Variants in CCDC148 observed in about 807,000 individuals in gnomAD.
CCDC148 encodes the protein coiled-coil domain-containing protein 148.
CCDC148 carries 89 observed loss-of-function variants against 85.7 expected under a neutral mutation model. That is an observed-to-expected ratio of 1.04 (90% CI 0.87 to 1.24). The LOEUF (loss-of-function observed/expected upper bound fraction) is 1.24. CCDC148 is among the 50% of genes most tolerant of loss of function. The pLI is 0.00. For missense variants in CCDC148, 692 were observed against 671.7 expected (o/e 1.03, Z -0.33); for synonymous variants, 230 against 213.9 (o/e 1.08, Z -0.66).
At chr2:158,251,563 T>C (rs909083018) in intron 9 of CCDC148, among the ~76,000 whole-genome samples, 13 of 151,852 alleles carry the variant, frequency 8.6e-5, no homozygotes, top group Non-Finnish European at 1.3e-4. Flanking sequence ...ACTGGACAAG[T>C]GCACAAAAAT....
chr2:158,290,342 C>T (rs1690830030), intron 9 of CCDC148, among the ~76,000 whole-genome samples: 1 of 152,198 alleles, frequency 6.6e-6, no homozygotes, highest in African/African-American at 2.4e-5. Context: ...GCAAAAGCTT[C>T]CTAATGCATC....
chr2:158,234,789 T>G (rs1175681812), intron 10 of CCDC148, among the ~76,000 whole-genome samples: 1 of 152,122 alleles, frequency 6.6e-6, no homozygotes, highest in Non-Finnish European at 1.5e-5. Flanking sequence ...ACATATATAG[T>G]GTGATTCTAG....
chr2:158,343,759 A>G (rs1682857757), intron 3 of CCDC148, among the ~76,000 whole-genome samples: 1 of 152,140 alleles, frequency 6.6e-6, no homozygotes, highest in South Asian at 2.1e-4. Flanking sequence ...CTTATCTCCT[A>G]TTGCTGTTAG....
chr2:158,279,931 G>T (rs1425434182), intron 9 of CCDC148, among the ~76,000 whole-genome samples: 6 of 151,538 alleles, frequency 4.0e-5, no homozygotes, highest in African/African-American at 1.2e-4. Context: ...GGATCTCTCG[G>T]CAGAAACTCT....
chr2:158,267,508 G>C (rs1574508756), intron 9 of CCDC148, among the ~76,000 whole-genome samples: 1 of 152,092 alleles, frequency 6.6e-6, no homozygotes, highest in East Asian at 1.9e-4. Flanking sequence ...GTTTTTAAGG[G>C]CAAGGACTGT....
At chr2:158,413,453 G>T (rs897020355) in intron 1 of CCDC148, among the ~76,000 whole-genome samples, 1 of 152,082 alleles carries the variant, frequency 6.6e-6, no homozygotes, top group African/African-American at 2.4e-5. Context: ...GTAAAGTAAA[G>T]CCATAGTCAA....
chr2:158,345,527 C>T (rs1377368511), intron 2 of CCDC148, among the ~76,000 whole-genome samples: 1 of 152,120 alleles, frequency 6.6e-6, no homozygotes, highest in African/African-American at 2.4e-5. Flanking sequence ...TACTGACAAA[C>T]TTAAAAACTG....
At chr2:158,455,442 T>G (rs1368412617) in intron 1 of CCDC148, among the ~76,000 whole-genome samples, 1 of 152,206 alleles carries the variant, frequency 6.6e-6, no homozygotes, top group Non-Finnish European at 1.5e-5. Context: ...GGTTACATCT[T>G]TGTAATCTTC....
intron 9 of CCDC148, among the ~76,000 whole-genome samples, chr2:158,295,034 T>G (rs1691110953): frequency 6.6e-6 from 1 of 152,148 alleles, no homozygotes. Flanking sequence ...CATCTTTTCT[T>G]GTTTTATTTG....
chr2:158,342,326 T>C (rs925979840), intron 3 of CCDC148, among the ~76,000 whole-genome samples: 1 of 152,124 alleles, frequency 6.6e-6, no homozygotes. Context: ...CCAATTTACA[T>C]GGGACAAGGT....
At chr2:158,456,358 G>A (rs1395809905) in intron 1 of CCDC148, 57 bp downstream of exon 1, 1 of 1,561,156 alleles carries the variant, frequency 6.4e-7, no homozygotes, top group Non-Finnish European at 8.8e-7. Flanking sequence ...GTAGGATTTA[G>A]GTGGCTCAGT....
intron 10 of CCDC148, among the ~76,000 whole-genome samples, chr2:158,235,400 G>T (rs1447788131): frequency 6.6e-6 from 1 of 152,088 alleles, no homozygotes; most frequent in African/African-American, 2.4e-5. Context: ...AAGTTTCAAA[G>T]AATCATGATT....
chr2:158,354,279 G>C (rs1274177526), intron 2 of CCDC148, among the ~76,000 whole-genome samples: 2 of 151,814 alleles, frequency 1.3e-5, no homozygotes, highest in Non-Finnish European at 1.5e-5. Context: ...AAAAATTAAT[G>C]AATCCAGGAG....
At chr2:158,231,482 G>C (rs998634018) in intron 10 of CCDC148, among the ~76,000 whole-genome samples, 3 of 151,950 alleles carry the variant, frequency 2.0e-5, no homozygotes, top group Admixed American at 2.0e-4. Context: ...CAATATATTT[G>C]GGCATTTAGT....
At chr2:158,451,457 C>T (rs1046438505) in intron 1 of CCDC148, among the ~76,000 whole-genome samples, 2 of 152,058 alleles carry the variant, frequency 1.3e-5, no homozygotes, top group Non-Finnish European at 2.9e-5. Flanking sequence ...TCTATTTCTC[C>T]TGCATTGTAT....
intron 11 of CCDC148, among the ~76,000 whole-genome samples, chr2:158,204,516 T>A (rs949374039): frequency 6.6e-6 from 1 of 152,204 alleles, no homozygotes; most frequent in Non-Finnish European, 1.5e-5. Context: ...GAGGCCACTA[T>A]GCTTTGAAGA....
intron 9 of CCDC148, among the ~76,000 whole-genome samples, chr2:158,301,416 C>T (rs1574579800): frequency 6.6e-6 from 1 of 152,190 alleles, no homozygotes; most frequent in East Asian, 1.9e-4. Context: ...ATTTTGGACA[C>T]TGAATTTGAG....
At chr2:158,185,652 G>A (rs1685119275) in intron 11 of CCDC148, among the ~76,000 whole-genome samples, 1 of 152,058 alleles carries the variant, frequency 6.6e-6, no homozygotes, top group East Asian at 1.9e-4. Flanking sequence ...GAGAGACACT[G>A]GAAGAGTGTT....
intron 1 of CCDC148, among the ~76,000 whole-genome samples, chr2:158,376,994 G>A (rs1684677732): frequency 6.6e-6 from 1 of 151,956 alleles, no homozygotes; most frequent in Non-Finnish European, 1.5e-5. Flanking sequence ...GAGAGGGGCT[G>A]AATGGGGAGT....
Sources: allele counts gnomAD v4.1 joint callset (sites outside exome capture counted in the v4.1 genomes callset), GRCh38; gene constraint gnomAD v4.1.1; transcripts MANE v1.5; gene names NCBI Gene and HGNC (gene_info 2026-07-23, HGNC 2026-07-21).